Variants in CYP4F22 observed in about 807,000 individuals in gnomAD.
CYP4F22 encodes the protein ultra-long-chain fatty acid omega-hydroxylase.
A neutral mutation model predicts 60.4 loss-of-function variants in CYP4F22; 37 were observed. The observed-to-expected ratio is 0.61, with a 90% CI of 0.47 to 0.81. CYP4F22 has a LOEUF of 0.81. Ranked by LOEUF, CYP4F22 falls within the 30% of genes least tolerant of loss-of-function variation. CYP4F22 has a pLI of 0.00. For missense variants in CYP4F22, 655 were observed against 715.0 expected, an observed-to-expected ratio of 0.92 and a Z score of 0.96; for synonymous variants, 258 against 280.5, an observed-to-expected ratio of 0.92 and a Z score of 0.80.
chr19:15,537,558 G>A lies in CYP4F22; in HGVS notation c.445G>A (p.Gly149Ser), dbSNP rs973011727. ...AGGGGATGGGCTGCTGCTCAGCAAAGGTGACAAGTGGAGCCGGCACCGTCG... is the reference window on the plus strand; with the variant it reads ...AGGGGATGGGCTGCTGCTCAGCAAAAGTGACAAGTGGAGCCGGCACCGTCG... ...WLGDGLLLSKGDKWSRHRRLL... is the reference protein window; with the variant it reads ...WLGDGLLLSKSDKWSRHRRLL... Residue 149 changes from glycine to serine, a missense_variant, in exon 6 of 14, where the codon GGT becomes AGT. Physicochemically the swap from Gly to Ser is moderately conservative, Grantham distance 56. Transcript: ENST00000269703. The A allele has an allele frequency of 1.2e-6, 2 of 1,614,176 alleles. No individual in the cohort carries two copies. Among genetic ancestry groups the A allele is most frequent in the Admixed American group, 1.7e-5 (1 of 60,022 alleles).
intron 4 of CYP4F22, among the ~76,000 whole-genome samples, chr19:15,531,238 G>GT (rs1971339643): frequency 6.6e-6 from 1 of 152,074 alleles, no homozygotes; most frequent in African/African-American, 2.4e-5. Context: ...ATATTAGCTG[G>GT]GTGTTGTGGT....
At chr19:15,542,337 G>C (rs1273536) in intron 8 of CYP4F22, among the ~76,000 whole-genome samples, 116,242 of 151,642 alleles carry the variant, frequency 0.77, 44,713 homozygotes, top group East Asian at 0.9. Context: ...TTCAAGACGA[G>C]CCTGGCCAAC....
chr19:15,526,520 C>A (rs73512639), intron 3 of CYP4F22, among the ~76,000 whole-genome samples: 2,526 of 152,188 alleles, frequency 0.017, 82 homozygotes, highest in African/African-American at 0.057. Context: ...TCATTCAGTT[C>A]TCTTGACAAT....
intron 1 of CYP4F22, among the ~76,000 whole-genome samples, chr19:15,514,223 G>T (rs928137982): frequency 6.6e-6 from 1 of 152,144 alleles, no homozygotes; most frequent in Non-Finnish European, 1.5e-5. Context: ...CATAGGGCAC[G>T]TAATTTGCAT....
chr19:15,509,977 TTTC>T (rs1971071243), intron 1 of CYP4F22, among the ~76,000 whole-genome samples: 1 of 151,278 alleles, frequency 6.6e-6, no homozygotes, highest in Non-Finnish European at 1.5e-5. Context: ...TCTTTCTTTC[TTTC>T]TTTTTTTGTT....
chr19:15,548,000 AGAGTGTGTGT>A lies in CYP4F22; in HGVS notation c.1137-106_1137-97del, dbSNP rs1445085194. On this transcript the variant is annotated intron_variant, in intron 10 of 13. Transcript: ENST00000269703. Reference sequence around the variant, plus strand: ...GAGAGAGAGAGAGAGAGAGAGGGAGAGAGTGTGTGTGTGTGTGTGTGTGTGTGTGTGTGTG... The same window carrying A: ...GAGAGAGAGAGAGAGAGAGAGGGAGAGTGTGTGTGTGTGTGTGTGTGTGTG... 6.0e-4 allele frequency: 177 copies of A among 294,316 alleles called. 7 individuals are homozygous for A. In the South Asian group the frequency reaches 7.3e-3, roughly 12 times the overall value. The allele number at this position is 294,316 out of a possible 1,614,324, so 18.2% of individuals were successfully genotyped here. A position where few individuals can be genotyped will look rare whatever the true frequency, so the allele number is the denominator to read the frequency against.
chr19:15,512,034 C>T lies in CYP4F22; in HGVS notation c.-109+3451C>T, dbSNP rs117612115. Among the ~76,000 whole-genome samples, 68 of 152,332 alleles carry T rather than the reference C, an allele frequency of 4.5e-4. No homozygotes were observed. The East Asian group carries it at 8.5e-3, about 19-fold the overall frequency. On this transcript the variant is annotated intron_variant, in intron 1 of 13. Transcript: ENST00000269703. The stretch of plus-strand genomic sequence containing the variant: ...GAGTGGACATGCCAGCCGCCCACAA[C>T]ATTCTGAGGGTGTCACCTTTGAATT...
At chr19:15,531,585 C>T (rs1971343893) in intron 4 of CYP4F22, among the ~76,000 whole-genome samples, 1 of 152,040 alleles carries the variant, frequency 6.6e-6, no homozygotes. Context: ...GATGACGATC[C>T]CTGTTGAACT....
chr19:15,550,544 G>A lies in CYP4F22; in HGVS notation c.1336-130G>A, dbSNP rs1192730270. 5.9e-6 allele frequency: 5 copies of A among 844,356 alleles called. No individual in the cohort carries two copies. In the East Asian group the frequency reaches 1.0e-4, roughly 17 times the overall value. The allele number at this position is 844,356 out of a possible 1,614,324, so 52.3% of individuals were successfully genotyped here. ...GTGGCTGCATTGCAGGAAGTGCAAG[G>A]TGGAATGGAAGAGGTGGCCCTGGGG... On this transcript the variant is annotated intron_variant, in intron 12 of 13. Coordinates refer to ENST00000269703, the MANE Select transcript of CYP4F22 (RefSeq NM_173483.4).
intron 1 of CYP4F22, chr19:15,516,073 A>G (rs188863535): frequency 6.8e-4 from 104 of 152,318 alleles, no homozygotes; most frequent in African/African-American, 2.3e-3. Context: ...TGTTTAGTGC[A>G]GCCATATCAT....
At chr19:15,537,260 C>T in intron 4 of CYP4F22, 101 bp from the exon 5 acceptor site, 4 of 1,483,780 alleles carry the variant, frequency 2.7e-6, no homozygotes, top group South Asian at 1.1e-5. Flanking sequence ...GAGATCGCAC[C>T]ACTGCACTCC....
rs1279981998 is a variant in CYP4F22, at chr19:15,518,415, C to T, written c.-108-5278C>T. 1.1e-4 allele frequency among the ~76,000 whole-genome samples: 16 copies of T among 149,474 alleles called. No individual in the cohort carries two copies. The East Asian group carries it at 1.8e-3, about 17-fold the overall frequency. On this transcript the variant is annotated intron_variant, in intron 1 of 13. Transcript: ENST00000269703. ...CAGCACTTTGGGAGGCCGAGGCGGG[C>T]GGAACACGAGGTCAGGAGATCGAGA...
intron 10 of CYP4F22, among the ~76,000 whole-genome samples, chr19:15,547,898 G>A (rs1471017469): frequency 6.6e-6 from 1 of 151,656 alleles, no homozygotes; most frequent in Admixed American, 6.6e-5. Context: ...ACCTGTGCAT[G>A]AGACAACTGC....
Position 15,551,452 on chromosome 19 carries a change from C to G in CYP4F22, c.1577C>G (p.Pro526Arg). The G allele has an allele frequency of 6.4e-7, 1 of 1,565,820 alleles. No individual in the cohort carries two copies. The change falls in exon 14 of 14, where the codon CCG becomes CGG. Residue 526 changes from proline (P) to arginine (R), a missense_variant. Physicochemically the swap from Pro to Arg is moderately radical, Grantham distance 103. Around this residue, in one of 3 missense-constraint regions of CYP4F22, gnomAD observed 151 missense variants for 139.4 expected, o/e 1.08. Coordinates refer to ENST00000269703, the MANE Select transcript of CYP4F22 (RefSeq NM_173483.4). ...AACGGGCTCTGGCTCAAGGTGGAGC[C>G]GCTGCCTCCGCGGGCCTGAGCGTGG... ...TENGLWLKVE[P>R]LPPRA is the part of the protein sequence containing the mutation.
chr19:15,525,215 A>T, intron 2 of CYP4F22, 121 bp from the exon 3 acceptor site: 1 of 913,380 alleles, frequency 1.1e-6, no homozygotes, highest in African/African-American at 1.6e-5. Context: ...ATGAAGAGGT[A>T]TCCTTGGTGT....
chr19:15,539,549 C>T (rs761334547), intron 7 of CYP4F22, among the ~76,000 whole-genome samples: 12 of 152,154 alleles, frequency 7.9e-5, no homozygotes, highest in Non-Finnish European at 1.5e-4. Context: ...GGCTATATAC[C>T]TAGGAGCAGA....
intron 3 of CYP4F22, among the ~76,000 whole-genome samples, chr19:15,528,180 C>T (rs1409705784): frequency 6.6e-6 from 1 of 152,156 alleles, no homozygotes; most frequent in Non-Finnish European, 1.5e-5. Flanking sequence ...AGGCTGGGCA[C>T]AGTGGCTCAC....
At chr19:15,523,242 C>A (rs1267212351) in intron 1 of CYP4F22, among the ~76,000 whole-genome samples, 2 of 151,996 alleles carry the variant, frequency 1.3e-5, no homozygotes, top group African/African-American at 2.4e-5. Context: ...TGCCTGTAAC[C>A]CCAGCTACTT....
intron 3 of CYP4F22, 47 bp downstream of exon 3, chr19:15,525,605 C>T (rs1971274734): frequency 6.4e-7 from 1 of 1,570,500 alleles, no homozygotes; most frequent in African/African-American, 1.3e-5. Flanking sequence ...TGGGCATGTG[C>T]AGGGTAATAG....
Sources: allele counts gnomAD v4.1 joint callset (sites outside exome capture counted in the v4.1 genomes callset), GRCh38; gene constraint gnomAD v4.1.1; regional missense constraint gnomAD v4.1.1; transcripts MANE v1.5; gene names NCBI Gene and HGNC (gene_info 2026-07-23, HGNC 2026-07-21).